IL16: variants seen among roughly 807,000 people sequenced by gnomAD.
IL16 encodes pro-interleukin-16.
Under a neutral mutation model 110.1 loss-of-function variants are expected in IL16, and 67 were observed. The ratio of observed to expected loss-of-function variants is 0.61; its 90% CI spans 0.50 to 0.75. IL16 has a LOEUF of 0.75. Among genes scored for constraint, IL16 ranks in the 30% least tolerant of loss-of-function variants. The probability of loss-of-function intolerance (pLI) is 0.00; values close to 1 mark genes in which losing one functional copy is unlikely to be tolerated. For missense variants in IL16, 1,545 were observed against 1,655.0 expected, an observed-to-expected ratio of 0.93 and a Z score of 1.15; for synonymous variants, 689 against 662.9, an observed-to-expected ratio of 1.04 and a Z score of -0.61.
intron 1 of IL16, among the ~76,000 whole-genome samples, chr15:81,188,995 T>C (rs761465243): frequency 6.6e-6 from 1 of 152,006 alleles, no homozygotes; most frequent in Non-Finnish European, 1.5e-5. Flanking sequence ...AAACAAGGAG[T>C]GCAGTGGTAT....
chr15:81,272,639 A>C (rs1197537198), intron 5 of IL16, among the ~76,000 whole-genome samples: 2 of 152,162 alleles, frequency 1.3e-5, no homozygotes, highest in African/African-American at 4.8e-5. Context: ...TACTATTATT[A>C]CTATTGTTGG....
chr15:81,224,395 A>T (rs897148276), intron 1 of IL16, among the ~76,000 whole-genome samples: 4 of 152,196 alleles, frequency 2.6e-5, no homozygotes, highest in African/African-American at 9.7e-5. Flanking sequence ...CACCTGCTTC[A>T]TGGAAACTGA....
chr15:81,279,784 C>T lies in IL16; in HGVS notation c.1081+10C>T. 3.1e-6 allele frequency: 5 copies of T among 1,612,076 alleles called. No homozygotes were observed. Among genetic ancestry groups the T allele is most frequent in the Non-Finnish European group, 4.2e-6 (5 of 1,178,280 alleles). On this transcript the variant is annotated intron_variant, in intron 8 of 18. Transcript: ENST00000683961. The stretch of plus-strand genomic sequence containing the variant: ...GTTTCTCTGCAGAAAGGTAGGAGTG[C>T]TGCAGCTGTGTCCCGTGCCTGGGTC...
rs373562616 is a variant in IL16 at position 81,278,849 on chromosome 15, A to G, written c.823A>G (p.Met275Val). 30 of 1,613,304 alleles carry G rather than the reference A, an allele frequency of 1.9e-5. No homozygotes were observed. The highest frequency in any genetic ancestry group is 1.6e-4 in the Middle Eastern group (1 of 6,084). The stretch of plus-strand genomic sequence containing the variant: ...AATTCTGGAGCTCAATGGTGAATCA[A>G]TGGCTGGACTAACACATCAGGATGC... ...DEILELNGES[M>V]AGLTHQDALQ... Residue 275 changes from methionine (M) to valine (V), a missense_variant, in exon 7 of 19, where the codon ATG (methionine) becomes GTG (valine). Around this residue, in one of 3 missense-constraint regions of IL16, gnomAD observed 1,185 missense variants for 1,238.8 expected, o/e 0.96. Coordinates refer to ENST00000683961, the MANE Select transcript of IL16 (RefSeq NM_172217.5).
intron 5 of IL16, 136 bp from the exon 6 acceptor site, chr15:81,272,954 G>GTTA (rs879453601): frequency 0.16 from 88,740 of 566,096 alleles, 6,560 homozygotes; most frequent in African/African-American, 0.18. Flanking sequence ...TAACCTCTGA[G>GTTA]ACCTCTGAGA....
chr15:81,275,887 A>T (rs1367634379), intron 6 of IL16, among the ~76,000 whole-genome samples: 1 of 152,220 alleles, frequency 6.6e-6, no homozygotes, highest in Non-Finnish European at 1.5e-5. Context: ...CCTTCCAAGA[A>T]ACTATTGTGT....
At chr15:81,194,845 G>A (rs1276712950), upstream of IL16, among the ~76,000 whole-genome samples, 3 of 152,050 alleles carry the variant, frequency 2.0e-5, no homozygotes, top group Admixed American at 6.6e-5. Context: ...AATTTTCATC[G>A]TAGCAAACTA....
intron 1 of IL16, among the ~76,000 whole-genome samples, chr15:81,212,278 T>C (rs1378424670): frequency 6.6e-6 from 1 of 152,164 alleles, no homozygotes; most frequent in East Asian, 1.9e-4. Flanking sequence ...TTTTCTAATA[T>C]GTTTGCATAG....
intron 5 of IL16, among the ~76,000 whole-genome samples, chr15:81,272,433 C>A (rs1054734832): frequency 4.6e-5 from 7 of 152,204 alleles, no homozygotes; most frequent in Non-Finnish European, 7.3e-5. Context: ...CCAGCTGGAA[C>A]TATCTGCTGA....
rs1377993710 is a variant in IL16 at position 81,282,709 on chromosome 15, C to T, written c.1152C>T (p.Val384=). The stretch of plus-strand genomic sequence containing the variant: ...TCCAATGCATCTCTGGCATTTTCGT[C>T]CACACGCTGTCACCAGGATCCGTGG... ...PYFQCISGIF[V]HTLSPGSVAH... Residue 384 remains valine (V), a synonymous_variant, in exon 9 of 19, where the codon GTC becomes GTT. Transcript: ENST00000683961. The T allele has an allele frequency of 1.2e-6, 2 of 1,614,068 alleles. No homozygotes were observed. The highest frequency in any genetic ancestry group is 1.7e-6 in the Non-Finnish European group (2 of 1,180,042).
intron 6 of IL16, among the ~76,000 whole-genome samples, chr15:81,273,624 T>C (rs1438401660): frequency 6.6e-6 from 1 of 152,042 alleles, no homozygotes; most frequent in African/African-American, 2.4e-5. Context: ...CCCACAACCA[T>C]AGGGAAACCA....
At position 81,300,453 on chromosome 15, in the gene IL16, T is replaced by C. The variant is rs1900224087; in HGVS notation, c.3127T>C (p.Leu1043=). ...AAATGGTTCTGCTGAAACATCTGCCTTGGACACAGGGTTCTCGCTCAAGTG... is the reference window on the plus strand; with the variant it reads ...AAATGGTTCTGCTGAAACATCTGCCCTGGACACAGGGTTCTCGCTCAAGTG... ...AANGSAETSA[L]DTGFSLNLSE... The change falls in exon 14 of 19, where the codon TTG becomes CTG. Residue 1043 remains leucine (L), a synonymous_variant. Transcript: ENST00000683961. 6.2e-7 allele frequency: 1 copy of C among 1,613,508 alleles called. No homozygotes were observed. Among genetic ancestry groups the C allele is most frequent in the Non-Finnish European group, 8.5e-7 (1 of 1,179,480 alleles).
chr15:81,243,007 A>G (rs1336361929), intron 2 of IL16, among the ~76,000 whole-genome samples: 3 of 150,956 alleles, frequency 2.0e-5, no homozygotes, highest in African/African-American at 4.9e-5. Context: ...AATAGAGTGA[A>G]TAACATCAAT....
In IL16 at chr15:81,299,564, A is replaced by T. The variant is rs774602233; in HGVS notation, c.2238A>T (p.Glu746Asp). 55 of 1,613,686 alleles carry T rather than the reference A, an allele frequency of 3.4e-5. No homozygotes were observed. Among genetic ancestry groups the T allele is most frequent in the Non-Finnish European group, 4.2e-5 (49 of 1,179,850 alleles). The change falls in exon 14 of 19, where the codon GAA becomes GAT. Residue 746 changes from glutamate (E) to aspartate (D), a missense_variant. Physicochemically the swap from Glu to Asp is conservative, Grantham distance 45 (BLOSUM62 2). Coordinates refer to ENST00000683961, the MANE Select transcript of IL16 (RefSeq NM_172217.5). ...MPLQPNASLN[E>D]EEGTQGHPDG... ...TACAGCCCAATGCCAGCCTGAATGA[A>T]GAAGAAGGGACACAGGGCCACCCAG...
At chr15:81,223,895 T>C (rs551373216) in intron 1 of IL16, among the ~76,000 whole-genome samples, 1 of 152,328 alleles carries the variant, frequency 6.6e-6, no homozygotes, top group South Asian at 2.1e-4. Context: ...ATTGGAGTTT[T>C]ACTATCATTT....
chr15:81,261,815 T>C (rs1395721331), intron 3 of IL16, among the ~76,000 whole-genome samples: 1 of 152,186 alleles, frequency 6.6e-6, no homozygotes, highest in African/African-American at 2.4e-5. Context: ...CTGCCTGTCA[T>C]TCTAGCCCTT....
intron 12 of IL16, among the ~76,000 whole-genome samples, chr15:81,294,303 T>C (rs1219100340): frequency 6.6e-6 from 1 of 152,198 alleles, no homozygotes; most frequent in East Asian, 1.9e-4. Flanking sequence ...CCCCCTCTTT[T>C]AAGCCCATAT....
At chr15:81,291,767 A>T (rs1284949351) in intron 11 of IL16, among the ~76,000 whole-genome samples, 1 of 152,184 alleles carries the variant, frequency 6.6e-6, no homozygotes. Flanking sequence ...GTGGCTAAGA[A>T]ATAGCGGCTT....
intron 16 of IL16, 126 bp from the exon 17 acceptor site, chr15:81,305,782 A>G: frequency 8.4e-7 from 1 of 1,195,790 alleles, no homozygotes; most frequent in South Asian, 1.5e-5. Flanking sequence ...TCTAGGACAC[A>G]ATTATCTTTA....
Sources: gnomAD v4.1 joint callset for allele counts (sites outside exome capture counted in the v4.1 genomes callset) on GRCh38, gnomAD v4.1.1 for gene constraint, gnomAD v4.1.1 regional missense constraint, MANE v1.5 for transcripts, NCBI Gene and HGNC (gene_info 2026-07-23, HGNC 2026-07-21) for gene names.